The following PPP2R2C variants were observed in gnomAD, a reference collection of about 807,000 sequenced individuals.
The protein encoded by PPP2R2C is protein phosphatase 2, regulatory subunit B, gamma.
In PPP2R2C, 10 loss-of-function variants were observed where a neutral mutation model predicts 45.3. The observed-to-expected ratio is 0.22, with a 90% CI of 0.14 to 0.37. The LOEUF (loss-of-function observed/expected upper bound fraction) is 0.37. Ranked by LOEUF, PPP2R2C falls within the 10% of genes least tolerant of loss-of-function variation. The probability of loss-of-function intolerance (pLI) is 1.00; values close to 1 mark genes in which losing one functional copy is unlikely to be tolerated. For synonymous variants in PPP2R2C, 257 were observed against 245.4 expected, an observed-to-expected ratio of 1.05 and a Z score of -0.44; for missense variants, 308 against 619.7, an observed-to-expected ratio of 0.50 and a Z score of 5.34.
At chr4:6,444,885 C>T (rs1193756124) in intron 1 of PPP2R2C, among the ~76,000 whole-genome samples, 1 of 152,186 alleles carries the variant, frequency 6.6e-6, no homozygotes, top group Non-Finnish European at 1.5e-5. Context: ...TGGCCCAGTG[C>T]ATCCAAAAAC....
chr4:6,489,509 C>G (rs955202720), intron 2 of PPP2R2C, among the ~76,000 whole-genome samples: 6 of 152,170 alleles, frequency 3.9e-5, no homozygotes, highest in African/African-American at 1.2e-4. Flanking sequence ...ACCCCTCAAC[C>G]CTTTCATACC....
intron 1 of PPP2R2C, among the ~76,000 whole-genome samples, chr4:6,397,523 G>C (rs186039446): frequency 6.6e-6 from 1 of 152,280 alleles, no homozygotes; most frequent in African/African-American, 2.4e-5. Context: ...TTGGAAAAGA[G>C]GCCTCATGCA....
chr4:6,370,108 C>A (rs967677361), intron 5 of PPP2R2C, among the ~76,000 whole-genome samples: 3 of 152,196 alleles, frequency 2.0e-5, no homozygotes, highest in Non-Finnish European at 4.4e-5. Flanking sequence ...AGCAGGTGCT[C>A]GAGAAGGGTG....
rs527770793 is a variant in PPP2R2C at position 6,497,200 on chromosome 4, G to C, written c.49+38071C>G. Among the ~76,000 whole-genome samples the C allele has an allele frequency of 6.6e-5, 10 of 152,312 alleles. 1 individual carries two copies. In the South Asian group the frequency reaches 2.1e-3, roughly 32 times the overall value. On this transcript the variant is annotated intron_variant, in intron 2 of 9. Coordinates refer to the PPP2R2C transcript ENST00000506140. ...CAGCAGGGTGTGATCATGGGTGCAA[G>C]AGGAAGAGTGGCCAGCTACTTATTT...
chr4:6,361,321 G>A (rs1713709556), intron 5 of PPP2R2C, among the ~76,000 whole-genome samples: 1 of 152,182 alleles, frequency 6.6e-6, no homozygotes, highest in Non-Finnish European at 1.5e-5. Flanking sequence ...GCCCACCTCA[G>A]GTGATTCATA....
chr4:6,398,542 CACA>C (rs1271224079), intron 1 of PPP2R2C, among the ~76,000 whole-genome samples: 3 of 152,080 alleles, frequency 2.0e-5, no homozygotes, highest in South Asian at 2.1e-4. Flanking sequence ...AGATGCAAAT[CACA>C]ACGAGATACC....
chr4:6,428,882 G>A (rs753729056), intron 1 of PPP2R2C, among the ~76,000 whole-genome samples: 2 of 152,250 alleles, frequency 1.3e-5, no homozygotes, highest in Non-Finnish European at 2.9e-5. Flanking sequence ...TTCGAACCCA[G>A]GTCTGCCTGA....
chr4:6,334,596 G>T (rs1016154164), intron 6 of PPP2R2C, among the ~76,000 whole-genome samples: 2 of 152,134 alleles, frequency 1.3e-5, no homozygotes, highest in African/African-American at 2.4e-5. Context: ...GGCTGAAGTA[G>T]CGTGGGGACT....
In PPP2R2C at chr4:6,329,821, G is replaced by T. The variant is rs1732265562; in HGVS notation, c.961-468C>A. Among the ~76,000 whole-genome samples, 1 of 152,196 alleles carries T rather than the reference G, an allele frequency of 6.6e-6. No homozygotes were observed. Among genetic ancestry groups the T allele is most frequent in the African/African-American group, 2.4e-5 (1 of 41,448 alleles). On this transcript the variant is annotated intron_variant, in intron 7 of 8. Transcript: ENST00000382599. The surrounding 1 kb of genome is among the most constrained non-coding windows in gnomAD (Gnocchi z 5.8). ...CACCTGGGGTCCAGATCCTGGCTCT[G>T]CCCTCCCAGCTGTGTGATCTTGGAC...
intron 1 of PPP2R2C, among the ~76,000 whole-genome samples, chr4:6,468,008 G>A (rs1472893460): frequency 1.3e-5 from 2 of 152,132 alleles, no homozygotes; most frequent in African/African-American, 2.4e-5. Context: ...CACTGCAAGG[G>A]GAATGAGATC....
intron 1 of PPP2R2C, among the ~76,000 whole-genome samples, chr4:6,421,665 G>A (rs1255034678): frequency 6.6e-6 from 1 of 151,968 alleles, no homozygotes; most frequent in African/African-American, 2.4e-5. Context: ...TGAGAATGAC[G>A]AGGAGAGGGC....
chr4:6,534,395 AAC>A (rs1437900141), intron 2 of PPP2R2C, among the ~76,000 whole-genome samples: 3 of 147,094 alleles, frequency 2.0e-5, no homozygotes, highest in South Asian at 2.2e-4. Context: ...CACACACACC[AAC>A]ACACACACAA....
chr4:6,335,516 G>A (rs142595508), intron 6 of PPP2R2C, among the ~76,000 whole-genome samples: 4 of 152,154 alleles, frequency 2.6e-5, no homozygotes, highest in African/African-American at 9.7e-5. Context: ...AGGATCTCAT[G>A]GGCCACGGAG....
intron 1 of PPP2R2C, among the ~76,000 whole-genome samples, chr4:6,546,342 G>A (rs1457823892): frequency 6.6e-6 from 1 of 152,128 alleles, no homozygotes; most frequent in Non-Finnish European, 1.5e-5. Context: ...CACACAGCAT[G>A]TGCTTTAAAA....
intron 2 of PPP2R2C, among the ~76,000 whole-genome samples, chr4:6,524,204 G>T (rs1365947887): frequency 6.6e-6 from 1 of 152,182 alleles, no homozygotes; most frequent in African/African-American, 2.4e-5. Flanking sequence ...TTACAGGCGT[G>T]AGCCACTGTG....
At chr4:6,444,400 T>G (rs1358319584) in intron 1 of PPP2R2C, among the ~76,000 whole-genome samples, 2 of 152,260 alleles carry the variant, frequency 1.3e-5, no homozygotes, top group East Asian at 3.9e-4. Context: ...CCCCAAAGCC[T>G]AGTCGTTACT....
At chr4:6,366,087 C>G (rs1015241915) in intron 5 of PPP2R2C, among the ~76,000 whole-genome samples, 6 of 152,184 alleles carry the variant, frequency 3.9e-5, no homozygotes, top group African/African-American at 1.4e-4. Flanking sequence ...TTTATGAGAA[C>G]CAATCTTAAA....
At chr4:6,442,045 G>A (rs182083370) in intron 1 of PPP2R2C, among the ~76,000 whole-genome samples, 1 of 152,206 alleles carries the variant, frequency 6.6e-6, no homozygotes, top group African/African-American at 2.4e-5. Flanking sequence ...GTCCGTGGGT[G>A]GGGGAAGGCA....
At chr4:6,513,915 T>G (rs1723752009) in intron 2 of PPP2R2C, among the ~76,000 whole-genome samples, 2 of 152,184 alleles carry the variant, frequency 1.3e-5, no homozygotes, top group Non-Finnish European at 2.9e-5. Context: ...CAGAATAACT[T>G]AAGGAAATAT....
Sources: allele counts gnomAD v4.1 joint callset (sites outside exome capture counted in the v4.1 genomes callset), GRCh38; gene constraint gnomAD v4.1.1; non-coding constraint Gnocchi (gnomAD v3.1); transcripts MANE v1.5; gene names NCBI Gene and HGNC (gene_info 2026-07-23, HGNC 2026-07-21).